JAKMIP1: variants seen among roughly 807,000 people sequenced by gnomAD.
JAKMIP1 encodes the protein janus kinase and microtubule-interacting protein 1.
A neutral mutation model predicts 113.0 loss-of-function variants in JAKMIP1; 33 were observed. That is an observed-to-expected ratio of 0.29 (90% CI 0.22 to 0.39). The LOEUF is 0.39. Ranked by LOEUF, JAKMIP1 falls within the 10% of genes least tolerant of loss-of-function variation. JAKMIP1 has a pLI of 1.00. For missense variants in JAKMIP1, 813 were observed against 1,080.5 expected (o/e 0.75, Z 3.47); for synonymous variants, 480 against 459.9 (o/e 1.04, Z -0.56).
At chr4:6,105,420 G>A in intron 3 of JAKMIP1, 53 bp downstream of exon 3, 8 of 1,497,204 alleles carry the variant, frequency 5.3e-6, no homozygotes, top group Non-Finnish European at 6.3e-6. Context: ...TCCCCCATGC[G>A]TGCAGGGAGG....
Position 6,040,827 on chromosome 4 carries a change from A to T in JAKMIP1, c.2098-111T>A, listed in dbSNP as rs71599870. On this transcript the variant is annotated intron_variant, in intron 17 of 20. Transcript: ENST00000409021. This position sits in a 1 kb window ranked among gnomAD's most constrained non-coding sequence, Gnocchi z 5.8. ...GTCTCACCGAATTGGGGGCACTCAG[A>T]TGAGAAGGGACTTGGTGGTCTTCCC... The T allele has an allele frequency of 0.1, 79,150 of 788,718 alleles. 4,967 individuals are homozygous for T. The highest frequency in any genetic ancestry group is 0.24 in the African/African-American group (13,951 of 58,914). The allele number at this position is 788,718 out of a possible 1,614,324, so 48.9% of individuals were successfully genotyped here. A position where few individuals can be genotyped will look rare whatever the true frequency, so the allele number is the denominator to read the frequency against.
At chr4:6,053,731 G>A (rs950542332) in intron 13 of JAKMIP1, 1 of 1,161,946 alleles carries the variant, frequency 8.6e-7, no homozygotes, top group Admixed American at 4.3e-5. Flanking sequence ...TTATGGAAAT[G>A]AAACACAAAT....
intron 16 of JAKMIP1, 70 bp downstream of exon 16, chr4:6,048,787 T>C: frequency 7.6e-7 from 1 of 1,307,870 alleles, no homozygotes; most frequent in Non-Finnish European, 1.1e-6. Context: ...AAGACGCCAA[T>C]GTACAGTTTC....
chr4:6,060,252 A>G (rs1417753310), intron 11 of JAKMIP1, among the ~76,000 whole-genome samples, 172 bp downstream of exon 11: 1 of 152,204 alleles, frequency 6.6e-6, no homozygotes, highest in Non-Finnish European at 1.5e-5. Context: ...ACACAGGTAC[A>G]GTAGGGAGCA....
In JAKMIP1 at chr4:6,193,813, C is replaced by T. The variant is rs1727540716; in HGVS notation, c.-148+6440G>A. ...GGGTGGAAGAGCCTGCAGAATAGGACCTGAGCAGCCAAAGCCCTGGGAAGA... is the reference window on the plus strand; with the variant it reads ...GGGTGGAAGAGCCTGCAGAATAGGATCTGAGCAGCCAAAGCCCTGGGAAGA... On this transcript the variant is annotated intron_variant, in intron 1 of 20. Coordinates refer to ENST00000409021, the MANE Select transcript of JAKMIP1 (RefSeq NM_001099433.2). This position sits in a 1 kb window ranked among gnomAD's most constrained non-coding sequence, Gnocchi z 6.4. Among the ~76,000 whole-genome samples, 1 of 152,138 alleles carries T rather than the reference C, an allele frequency of 6.6e-6. No homozygotes were observed. The highest frequency in any genetic ancestry group is 1.5e-5 in the Non-Finnish European group (1 of 68,030).
chr4:6,158,910 GAAACCCCATCTCTAC>G lies in JAKMIP1; in HGVS notation c.-148+41328_-148+41342del, dbSNP rs1722574404. Among the ~76,000 whole-genome samples, 1 of 152,062 alleles carries G rather than the reference GAAACCCCATCTCTAC, an allele frequency of 6.6e-6. No individual in the cohort carries two copies. The highest frequency in any genetic ancestry group is 1.5e-5 in the Non-Finnish European group (1 of 68,016). On this transcript the variant is annotated intron_variant, in intron 1 of 20. Transcript: ENST00000409021. The surrounding 1 kb of genome is among the most constrained non-coding windows in gnomAD (Gnocchi z 5.3). ...TCGAGACCAGCCTGACCAACATGGT[GAAACCCCATCTCTAC>G]AAAAAATACAAAAATTAGCGGGGCA...
chr4:6,155,057 G>A lies in JAKMIP1; in HGVS notation c.-147-42060C>T, dbSNP rs534441405. 7.9e-5 allele frequency among the ~76,000 whole-genome samples: 12 copies of A among 152,132 alleles called. No individual in the cohort carries two copies. Among genetic ancestry groups the A allele is most frequent in the African/African-American group, 7.2e-5 (3 of 41,426 alleles). On this transcript the variant is annotated intron_variant, in intron 1 of 20. Coordinates refer to ENST00000409021, the MANE Select transcript of JAKMIP1 (RefSeq NM_001099433.2). This position sits in a 1 kb window ranked among gnomAD's most constrained non-coding sequence, Gnocchi z 6.1. ...ATTCCCGAGCAGTGGGAAGACAGTCGGGAGATGCCAGCCCAGCCTGCTGGG... is the reference window on the plus strand; with the variant it reads ...ATTCCCGAGCAGTGGGAAGACAGTCAGGAGATGCCAGCCCAGCCTGCTGGG...
intron 5 of JAKMIP1, among the ~76,000 whole-genome samples, chr4:6,082,553 G>A (rs1720735911): frequency 6.6e-6 from 1 of 151,736 alleles, no homozygotes. Context: ...ACCCAGGCTT[G>A]AGTGCCGTGG....
rs560982027 is a variant in JAKMIP1 at position 6,057,301 on chromosome 4, T to C, written c.1645-542A>G. ...GGGACTCTGTGAATCCCGGAATGGA[T>C]GGATGAAGGAATAAGTAAACGCATG... On this transcript the variant is annotated intron_variant, in intron 11 of 20. Transcript: ENST00000409021. Among the ~76,000 whole-genome samples the C allele has an allele frequency of 2.6e-5, 4 of 152,290 alleles. No individual in the cohort carries two copies. The South Asian group carries it at 6.2e-4, about 24-fold the overall frequency.
rs1723078130 is a variant in JAKMIP1 at position 6,162,392 on chromosome 4, G to C, written c.-148+37861C>G. On this transcript the variant is annotated intron_variant, in intron 1 of 20. Coordinates refer to ENST00000409021, the MANE Select transcript of JAKMIP1 (RefSeq NM_001099433.2). This position sits in a 1 kb window ranked among gnomAD's most constrained non-coding sequence, Gnocchi z 5.6. ...TCGGCACCCATTTTAGCCCAACCCTGGTCTTTGCTGGTGAGGGTCCTGGGG... is the reference window on the plus strand; with the variant it reads ...TCGGCACCCATTTTAGCCCAACCCTCGTCTTTGCTGGTGAGGGTCCTGGGG... Among the ~76,000 whole-genome samples the C allele has an allele frequency of 1.3e-5, 2 of 152,184 alleles. No homozygotes were observed. The highest frequency in any genetic ancestry group is 1.3e-4 in the Admixed American group (2 of 15,282).
chr4:6,045,325 T>C (rs1714843361), intron 16 of JAKMIP1, among the ~76,000 whole-genome samples: 1 of 152,168 alleles, frequency 6.6e-6, no homozygotes, highest in African/African-American at 2.4e-5. Context: ...CTCCAATGTC[T>C]CATGGTTCAG....
At chr4:6,055,684 C>G (rs971128676) in intron 12 of JAKMIP1, among the ~76,000 whole-genome samples, 1 of 152,206 alleles carries the variant, frequency 6.6e-6, no homozygotes, top group Non-Finnish European at 1.5e-5. Context: ...TCAGTTGTCC[C>G]CAGAGGTCAG....
intron 19 of JAKMIP1, among the ~76,000 whole-genome samples, chr4:6,033,372 C>T (rs968723238): frequency 1.3e-5 from 2 of 152,038 alleles, no homozygotes; most frequent in African/African-American, 4.8e-5. Context: ...TAGGTAGTGT[C>T]GCCCGTGTTG....
intron 1 of JAKMIP1, among the ~76,000 whole-genome samples, chr4:6,164,431 C>G (rs1442599282): frequency 1.3e-5 from 2 of 151,870 alleles, no homozygotes; most frequent in African/African-American, 4.9e-5. Flanking sequence ...GACAAGAGCT[C>G]TGATGGAGAT....
intron 1 of JAKMIP1, among the ~76,000 whole-genome samples, chr4:6,118,082 G>A (rs1716104089): frequency 6.6e-6 from 1 of 152,218 alleles, no homozygotes; most frequent in African/African-American, 2.4e-5. Context: ...GAAATCACAA[G>A]GGTATTGATT....
At position 6,174,007 on chromosome 4, in the gene JAKMIP1, T is replaced by G. The variant is rs1214991874; in HGVS notation, c.-148+26246A>C. Reference sequence around the variant, plus strand: ...TCGCTTGAACCTGGAAGGTGGAGGTTGCAGTGAGCCAAGGTGGCAACACAG... The same window carrying G: ...TCGCTTGAACCTGGAAGGTGGAGGTGGCAGTGAGCCAAGGTGGCAACACAG... On this transcript the variant is annotated intron_variant, in intron 1 of 20. Transcript: ENST00000409021. Among the ~76,000 whole-genome samples the G allele has an allele frequency of 5.3e-5, 8 of 152,296 alleles. No homozygotes were observed. The East Asian group carries it at 1.5e-3, about 29-fold the overall frequency.
In JAKMIP1 at chr4:6,067,056, G is replaced by T. The variant is rs1486855511; in HGVS notation, c.1303-2048C>A. ...TGGCCACCATGCCCAGGTCCCTCCT[G>T]CTTCACCCCCGCCCCAGCCTCTGGG... On this transcript the variant is annotated intron_variant, in intron 8 of 20. Transcript: ENST00000409021. The surrounding 1 kb of genome is among the most constrained non-coding windows in gnomAD (Gnocchi z 4.6). Among the ~76,000 whole-genome samples, 1 of 152,114 alleles carries T rather than the reference G, an allele frequency of 6.6e-6. No individual in the cohort carries two copies. Among genetic ancestry groups the T allele is most frequent in the Non-Finnish European group, 1.5e-5 (1 of 68,022 alleles).
chr4:6,054,183 G>T (rs1166649258), intron 12 of JAKMIP1, 35 bp from the exon 13 acceptor site: 1 of 1,611,068 alleles, frequency 6.2e-7, no homozygotes, highest in African/African-American at 1.3e-5. Context: ...AACAGGATGG[G>T]TGGGAGCACT....
At chr4:6,163,261 G>C (rs551297925) in intron 1 of JAKMIP1, among the ~76,000 whole-genome samples, 86 of 152,258 alleles carry the variant, frequency 5.6e-4, no homozygotes, top group African/African-American at 2.0e-3. Flanking sequence ...AAGTCTATCC[G>C]TGTCATTTTT....
Sources: allele counts gnomAD v4.1 joint callset (sites outside exome capture counted in the v4.1 genomes callset), GRCh38; gene constraint gnomAD v4.1.1; non-coding constraint Gnocchi (gnomAD v3.1); transcripts MANE v1.5; gene names NCBI Gene and HGNC (gene_info 2026-07-23, HGNC 2026-07-21).